Variants in TNRC6B observed in about 807,000 individuals in gnomAD.
TNRC6B encodes trinucleotide repeat containing adaptor 6B.
Under a neutral mutation model 203.6 loss-of-function variants are expected in TNRC6B, and 52 were observed. That is an observed-to-expected ratio of 0.26 (90% CI 0.20 to 0.32). The LOEUF is 0.32. Among genes scored for constraint, TNRC6B ranks in the 10% least tolerant of loss-of-function variants. TNRC6B has a pLI of 1.00. For missense variants in TNRC6B, 1,923 were observed against 2,286.2 expected, an observed-to-expected ratio of 0.84 and a Z score of 3.24; for synonymous variants, 838 against 845.7, an observed-to-expected ratio of 0.99 and a Z score of 0.16.
At position 40,328,288 on chromosome 22, in the gene TNRC6B, GT is replaced by G. The variant is rs1233882012; in HGVS notation, c.*5048del. 1 of 152,156 alleles carries G rather than the reference GT, an allele frequency of 6.6e-6. No homozygotes were observed. The highest frequency in any genetic ancestry group is 2.4e-5 in the African/African-American group (1 of 41,436). The allele number at this position is 152,156 out of a possible 1,614,324, so 9.4% of individuals were successfully genotyped here. A position where few individuals can be genotyped will look rare whatever the true frequency, so the allele number is the denominator to read the frequency against. On this transcript the variant is annotated 3_prime_UTR_variant, in exon 23 of 23. Coordinates refer to ENST00000454349, the MANE Select transcript of TNRC6B (RefSeq NM_001162501.2). ...TTTATAGCAACTTGATTTCCTATGAGTATGGCTCCTGTTGTAAGAATTTTCC... is the reference window on the plus strand; with the variant it reads ...TTTATAGCAACTTGATTTCCTATGAGATGGCTCCTGTTGTAAGAATTTTCC...
chr22:40,146,133 A>T (rs2068693642), intron 3 of TNRC6B, among the ~76,000 whole-genome samples: 1 of 152,216 alleles, frequency 6.6e-6, no homozygotes, highest in Non-Finnish European at 1.5e-5. Flanking sequence ...CATCCTGGTC[A>T]AACAACTTTG....
Position 40,322,943 on chromosome 22 carries a change from C to T in TNRC6B, c.5204C>T (p.Pro1735Leu). ...RFLAQAQPPT[P>L]AATPSAPAAG... The stretch of plus-strand genomic sequence containing the variant: ...CTGGCACAAGCTCAGCCCCCTACAC[C>T]TGCAGCAACCCCAAGTGCGCCAGCT... Residue 1735 changes from proline to leucine, a missense_variant, in exon 23 of 23, where the codon CCT becomes CTT. Physicochemically the swap from Pro to Leu is moderately conservative, Grantham distance 98. Transcript: ENST00000454349. 1 of 1,613,726 alleles carries T rather than the reference C, an allele frequency of 6.2e-7. No individual in the cohort carries two copies. Among genetic ancestry groups the T allele is most frequent in the Non-Finnish European group, 8.5e-7 (1 of 1,179,750 alleles).
At chr22:40,128,703 G>A (rs1306413964) in intron 3 of TNRC6B, among the ~76,000 whole-genome samples, 1 of 147,364 alleles carries the variant, frequency 6.8e-6, no homozygotes, top group Non-Finnish European at 1.5e-5. Flanking sequence ...TTTTTTTTTT[G>A]GTAGAGACAG....
intron 2 of TNRC6B, among the ~76,000 whole-genome samples, chr22:40,120,436 TAG>T (rs777662061): frequency 5.3e-5 from 8 of 151,782 alleles, no homozygotes; most frequent in Admixed American, 2.0e-4. Flanking sequence ...AGGATATACA[TAG>T]AGAGAGATTA....
At chr22:40,120,419 G>A (rs2068433494) in intron 2 of TNRC6B, among the ~76,000 whole-genome samples, 1 of 152,096 alleles carries the variant, frequency 6.6e-6, no homozygotes, top group South Asian at 2.1e-4. Context: ...CCAGTAGGGT[G>A]TGGACTAGGA....
chr22:40,256,183 T>A (rs1049062663), intron 3 of TNRC6B, among the ~76,000 whole-genome samples: 2 of 152,170 alleles, frequency 1.3e-5, no homozygotes, highest in African/African-American at 4.8e-5. Context: ...GGTTCGGTGA[T>A]AAGTTCATTC....
At position 40,326,986 on chromosome 22, in the gene TNRC6B, G is replaced by C. The variant is rs1352464612; in HGVS notation, c.*3745G>C. 6.6e-6 allele frequency: 1 copy of C among 152,612 alleles called. No homozygotes were observed. The highest frequency in any genetic ancestry group is 1.5e-5 in the Non-Finnish European group (1 of 68,034). The allele number at this position is 152,612 out of a possible 1,614,324, so 9.5% of individuals were successfully genotyped here. A position where few individuals can be genotyped will look rare whatever the true frequency, so the allele number is the denominator to read the frequency against. ...CTTAATTATCCCCATCCCTTAGCCGGAGATGTGGAGTGTTTCCTTTCAGTT... is the reference window on the plus strand; with the variant it reads ...CTTAATTATCCCCATCCCTTAGCCGCAGATGTGGAGTGTTTCCTTTCAGTT... On this transcript the variant is annotated 3_prime_UTR_variant, in exon 23 of 23. Coordinates refer to ENST00000454349, the MANE Select transcript of TNRC6B (RefSeq NM_001162501.2).
In TNRC6B at chr22:40,299,586, C is replaced by T. The variant is rs147491744; in HGVS notation, c.3709-869C>T. On this transcript the variant is annotated intron_variant, in intron 12 of 22. Coordinates refer to ENST00000454349, the MANE Select transcript of TNRC6B (RefSeq NM_001162501.2). ...TTATTTTTTTAAAGAGATGATAGCT[C>T]GCTATGTTGCCCAGGTGTTCTCAAT... is the stretch of plus-strand genomic sequence containing the variant. 1.8e-4 allele frequency among the ~76,000 whole-genome samples: 28 copies of T among 152,198 alleles called. 1 individual carries two copies. The highest frequency in any genetic ancestry group is 4.1e-4 in the South Asian group (2 of 4,822).
intron 4 of TNRC6B, among the ~76,000 whole-genome samples, chr22:40,170,373 TATATTA>T (rs1307537095): frequency 3.9e-5 from 3 of 77,260 alleles, no homozygotes; most frequent in African/African-American, 6.6e-5. Context: ...AGTTTATATA[TATATTA>T]TATATATAGT....
chr22:40,109,944 A>T (rs992626809), intron 1 of TNRC6B, among the ~76,000 whole-genome samples: 3 of 152,246 alleles, frequency 2.0e-5, no homozygotes, highest in African/African-American at 7.2e-5. Context: ...GGCACAGCAT[A>T]AACAATTGTT....
intron 1 of TNRC6B, among the ~76,000 whole-genome samples, chr22:40,221,758 C>T (rs1261318825): frequency 8.1e-6 from 1 of 123,382 alleles, no homozygotes; most frequent in Non-Finnish European, 1.8e-5. Context: ...ATTGCCCCCC[C>T]CCCTTTTTTT....
intron 7 of TNRC6B, 110 bp from the exon 8 acceptor site, chr22:40,276,967 A>T (rs1159689220): frequency 3.0e-6 from 2 of 666,314 alleles, no homozygotes; most frequent in East Asian, 6.2e-5. Context: ...TTAAAGAGAA[A>T]TAGGACTTAA....
rs539703895 is a variant in TNRC6B, at chr22:40,264,084, C to T, written c.458-604C>T. On this transcript the variant is annotated intron_variant, in intron 4 of 22. Coordinates refer to ENST00000454349, the MANE Select transcript of TNRC6B (RefSeq NM_001162501.2). ...ATGAGTAAATTTCACTGTGTGAATTCAGCAGGAAAACACAGTAGGTGCCAA... is the reference window on the plus strand; with the variant it reads ...ATGAGTAAATTTCACTGTGTGAATTTAGCAGGAAAACACAGTAGGTGCCAA... Among the ~76,000 whole-genome samples the T allele has an allele frequency of 2.0e-5, 3 of 152,288 alleles. No homozygotes were observed. The East Asian group carries it at 5.8e-4, about 29-fold the overall frequency.
At chr22:40,196,280 G>C (rs1251126215) in intron 1 of TNRC6B, among the ~76,000 whole-genome samples, 1 of 150,522 alleles carries the variant, frequency 6.6e-6, no homozygotes, top group Non-Finnish European at 1.5e-5. Context: ...TACCAGAGTA[G>C]CTGGGGCTAC....
chr22:40,109,501 C>T (rs1295266585), intron 1 of TNRC6B, among the ~76,000 whole-genome samples: 1 of 152,126 alleles, frequency 6.6e-6, no homozygotes, highest in Non-Finnish European at 1.5e-5. Context: ...GAGATGGCAT[C>T]TCATTGTGGT....
At chr22:40,209,712 C>T (rs2069534393) in intron 1 of TNRC6B, among the ~76,000 whole-genome samples, 1 of 152,136 alleles carries the variant, frequency 6.6e-6, no homozygotes, top group South Asian at 2.1e-4. Context: ...AGAAAGACTT[C>T]CACCTCTCTG....
At chr22:40,179,600 T>G (rs1464363008) in intron 1 of TNRC6B, among the ~76,000 whole-genome samples, 1 of 152,248 alleles carries the variant, frequency 6.6e-6, no homozygotes, top group Non-Finnish European at 1.5e-5. Context: ...AATGGAATAA[T>G]TTTGATCAGA....
intron 1 of TNRC6B, among the ~76,000 whole-genome samples, chr22:40,074,666 C>A (rs1364389950): frequency 6.6e-6 from 1 of 151,892 alleles, no homozygotes. Context: ...ATAGTCCCAG[C>A]TACCTGGGAG....
Position 40,265,866 on chromosome 22 carries a change from C to A in TNRC6B, c.1636C>A (p.Leu546Ile). 1 of 1,614,014 alleles carries A rather than the reference C, an allele frequency of 6.2e-7. No individual in the cohort carries two copies. The highest frequency in any genetic ancestry group is 8.5e-7 in the Non-Finnish European group (1 of 1,179,898). The change falls in exon 5 of 23, where the codon CTC becomes ATC. Residue 546 changes from leucine to isoleucine, a missense_variant. Transcript: ENST00000454349. ...GAWDNQKGHP[L>I]PENQGNAQAP... is the part of the protein sequence containing the mutation. ...ATGGGACAATCAAAAGGGCCACCCC[C>A]TCCCTGAAAACCAAGGCAATGCCCA...
Sources: gnomAD v4.1 joint callset for allele counts (sites outside exome capture counted in the v4.1 genomes callset) on GRCh38, gnomAD v4.1.1 for gene constraint, MANE v1.5 for transcripts, NCBI Gene and HGNC (gene_info 2026-07-23, HGNC 2026-07-21) for gene names.